Variants in UPP2 observed in about 807,000 individuals in gnomAD.
UPP2 encodes the protein UPase 2.
UPP2 carries 23 observed loss-of-function variants against 26.7 expected under a neutral mutation model. The ratio of observed to expected loss-of-function variants is 0.86; its 90% CI spans 0.62 to 1.22. The LOEUF (loss-of-function observed/expected upper bound fraction) is 1.22. UPP2 is among the 50% of genes most tolerant of loss of function. The pLI is 0.00. For synonymous variants in UPP2, 127 were observed against 141.3 expected (o/e 0.90, Z 0.72); for missense variants, 387 against 396.7 (o/e 0.98, Z 0.21).
chr2:158,093,878 CAAG>C (rs1682948249), intron 3 of UPP2, among the ~76,000 whole-genome samples: 1 of 150,772 alleles, frequency 6.6e-6, no homozygotes, highest in African/African-American at 2.4e-5. Context: ...TGTGCATACA[CAAG>C]AAGATACCCA....
intron 2 of UPP2, among the ~76,000 whole-genome samples, chr2:158,112,055 C>A (rs1683330505): frequency 6.6e-6 from 1 of 152,106 alleles, no homozygotes; most frequent in African/African-American, 2.4e-5. Context: ...AGATTCAATG[C>A]AGTCCCCATT....
chr2:158,039,197 T>G (rs945387547), intron 3 of UPP2, among the ~76,000 whole-genome samples: 7 of 152,156 alleles, frequency 4.6e-5, no homozygotes, highest in Admixed American at 2.6e-4. Flanking sequence ...TAGGTCAGCT[T>G]TCTTAATTAG....
intron 3 of UPP2, among the ~76,000 whole-genome samples, chr2:158,072,982 A>C (rs1398200696): frequency 1.3e-5 from 2 of 152,124 alleles, no homozygotes; most frequent in Admixed American, 6.5e-5. Flanking sequence ...ACCAAACTAA[A>C]TAAGGTACCA....
chr2:158,026,723 GGCAA>G (rs1404530432), intron 3 of UPP2, among the ~76,000 whole-genome samples: 1 of 152,146 alleles, frequency 6.6e-6, no homozygotes, highest in Non-Finnish European at 1.5e-5. Context: ...AAATATAACA[GGCAA>G]GCAGTCTGTA....
At chr2:158,006,537 C>G (rs1683493019) in intron 2 of UPP2, among the ~76,000 whole-genome samples, 1 of 150,340 alleles carries the variant, frequency 6.7e-6, no homozygotes, top group Non-Finnish European at 1.5e-5. Flanking sequence ...CACTCAACAT[C>G]TTCCAGACTG....
At chr2:158,032,949 G>A (rs1192906060) in intron 3 of UPP2, among the ~76,000 whole-genome samples, 2 of 152,054 alleles carry the variant, frequency 1.3e-5, no homozygotes, top group Non-Finnish European at 2.9e-5. Flanking sequence ...GCAGGCTCTG[G>A]CCCTAACAGG....
At chr2:158,131,149 C>T (rs1160991034) in intron 6 of UPP2, among the ~76,000 whole-genome samples, 2 of 152,094 alleles carry the variant, frequency 1.3e-5, no homozygotes, top group East Asian at 1.9e-4. Flanking sequence ...AAACTCAAAC[C>T]CTTGAGGAGC....
chr2:158,041,923 T>C (rs1203675878), intron 3 of UPP2, among the ~76,000 whole-genome samples: 2 of 152,214 alleles, frequency 1.3e-5, no homozygotes, highest in African/African-American at 4.8e-5. Flanking sequence ...GGAGACACCA[T>C]TTTAAGGCAT....
chr2:158,042,524 A>G (rs1684095475), intron 3 of UPP2, among the ~76,000 whole-genome samples: 1 of 152,156 alleles, frequency 6.6e-6, no homozygotes, highest in Admixed American at 6.5e-5. Context: ...AGGTTTCTTA[A>G]ACAGACAGCT....
upstream of UPP2, among the ~76,000 whole-genome samples, chr2:158,097,890 T>C (rs1683012379): frequency 6.6e-6 from 1 of 152,172 alleles, no homozygotes; most frequent in Admixed American, 6.5e-5. Context: ...TACTAATCTC[T>C]TTTTTTCTTT....
At chr2:158,131,526 C>T (rs1035575274) in intron 6 of UPP2, among the ~76,000 whole-genome samples, 1 of 152,144 alleles carries the variant, frequency 6.6e-6, no homozygotes, top group Non-Finnish European at 1.5e-5. Context: ...GGACTTTCAT[C>T]AGATTTTCAA....
At chr2:158,002,740 A>T (rs1405678514) in intron 2 of UPP2, among the ~76,000 whole-genome samples, 2 of 152,140 alleles carry the variant, frequency 1.3e-5, no homozygotes, top group Non-Finnish European at 2.9e-5. Flanking sequence ...CTGTGTTGCT[A>T]TTGTAAGGAT....
At chr2:158,024,158 C>A (rs184138109) in intron 3 of UPP2, among the ~76,000 whole-genome samples, 2 of 152,094 alleles carry the variant, frequency 1.3e-5, no homozygotes, top group Non-Finnish European at 2.9e-5. Flanking sequence ...CCCAGGAATG[C>A]GGATATAGGG....
intron 6 of UPP2, among the ~76,000 whole-genome samples, 176 bp downstream of exon 6, chr2:158,124,071 C>T (rs1363302842): frequency 6.6e-6 from 1 of 152,114 alleles, no homozygotes; most frequent in Non-Finnish European, 1.5e-5. Flanking sequence ...GGACATTATT[C>T]TTATTATGCA....
chr2:158,038,165 T>C (rs771140419), intron 3 of UPP2, among the ~76,000 whole-genome samples: 1 of 152,242 alleles, frequency 6.6e-6, no homozygotes, highest in Non-Finnish European at 1.5e-5. Context: ...TCAGCACACA[T>C]AATTTAGTAT....
chr2:157,999,164 TTTGTTGTTG>T (rs370281626), intron 2 of UPP2, among the ~76,000 whole-genome samples: 1 of 152,012 alleles, frequency 6.6e-6, no homozygotes, highest in Non-Finnish European at 1.5e-5. Context: ...TTTGGGTCTT[TTTGTTGTTG>T]TTGTTGTTGT....
At chr2:158,063,691 G>A (rs1360396911) in intron 3 of UPP2, among the ~76,000 whole-genome samples, 4 of 151,968 alleles carry the variant, frequency 2.6e-5, no homozygotes, top group Admixed American at 1.3e-4. Context: ...GTGGTTTGCT[G>A]CACCCATCAG....
intron 3 of UPP2, among the ~76,000 whole-genome samples, chr2:158,073,579 T>C (rs940488979): frequency 3.3e-5 from 5 of 151,826 alleles, no homozygotes; most frequent in Admixed American, 6.6e-5. Context: ...AAAGAAAGGA[T>C]CCTAAAAACA....
chr2:158,035,449 C>T (rs771481849), intron 3 of UPP2, among the ~76,000 whole-genome samples: 101 of 152,148 alleles, frequency 6.6e-4, no homozygotes, highest in Non-Finnish European at 1.0e-3. Context: ...CCACCGCGCC[C>T]GGCCAAGGAT....
Sources: allele counts gnomAD v4.1 joint callset (sites outside exome capture counted in the v4.1 genomes callset), GRCh38; gene constraint gnomAD v4.1.1; transcripts MANE v1.5; gene names NCBI Gene and HGNC (gene_info 2026-07-23, HGNC 2026-07-21).